The following IBTK variants were observed in gnomAD, a reference collection of about 807,000 sequenced individuals.
IBTK encodes the protein BTK-binding protein.
In IBTK, 83 loss-of-function variants were observed where a neutral mutation model predicts 154.9. The observed-to-expected ratio is 0.54, with a 90% CI of 0.45 to 0.64. IBTK has a LOEUF of 0.64. Among genes scored for constraint, IBTK ranks in the 30% least tolerant of loss-of-function variants. The pLI, the probability that IBTK is intolerant of heterozygous loss-of-function variation, is 0.00. For synonymous variants in IBTK, 515 were observed against 536.1 expected, an observed-to-expected ratio of 0.96 and a Z score of 0.54; for missense variants, 1,332 against 1,584.6, an observed-to-expected ratio of 0.84 and a Z score of 2.71.
At chr6:82,216,012 T>C (rs1769858939) in intron 11 of IBTK, 64 bp downstream of exon 11, 2 of 1,306,266 alleles carry the variant, frequency 1.5e-6, no homozygotes. Context: ...CAGCAGCTAC[T>C]GAAAACAAGA....
At chr6:82,174,628 CA>C (rs1482899112) in intron 26 of IBTK, among the ~76,000 whole-genome samples, 1 of 152,054 alleles carries the variant, frequency 6.6e-6, no homozygotes, top group African/African-American at 2.4e-5. Flanking sequence ...AGCCAGAGTA[CA>C]AAATGCACTG....
intron 26 of IBTK, among the ~76,000 whole-genome samples, chr6:82,178,201 A>G (rs1768186085): frequency 6.6e-6 from 1 of 152,250 alleles, no homozygotes; most frequent in African/African-American, 2.4e-5. Context: ...AGCTATGGAT[A>G]TATCATACTG....
intron 1 of IBTK, among the ~76,000 whole-genome samples, chr6:82,247,272 G>C (rs1163289580): frequency 6.6e-6 from 1 of 152,226 alleles, no homozygotes; most frequent in East Asian, 1.9e-4. Context: ...TCACAACTAG[G>C]AATGCAATGT....
At chr6:82,175,015 T>G (rs1258919182) in intron 26 of IBTK, 1 of 456,198 alleles carries the variant, frequency 2.2e-6, no homozygotes, top group Non-Finnish European at 4.4e-6. Flanking sequence ...TCAATCATTA[T>G]GATAAAGCAT....
rs906149791 is a variant in IBTK at position 82,191,535 on chromosome 6, C to T, written c.3431+252G>A. ...TCTTTGGCTTTTGTAGCCAATAGTC[C>T]ACAATGATCATTTTAGAGTCAAGTT... is the stretch of plus-strand genomic sequence containing the variant. On this transcript the variant is annotated intron_variant, in intron 24 of 28. Transcript: ENST00000306270. The T allele has an allele frequency of 1.6e-5, 9 of 580,488 alleles. No homozygotes were observed. The African/African-American group carries it at 1.7e-4, about 11-fold the overall frequency. The allele number at this position is 580,488 out of a possible 1,614,324, so 36.0% of individuals were successfully genotyped here.
intron 26 of IBTK, among the ~76,000 whole-genome samples, chr6:82,180,951 T>C (rs1028110725): frequency 6.6e-6 from 1 of 152,242 alleles, no homozygotes; most frequent in Non-Finnish European, 1.5e-5. Context: ...CAGGTCTCAC[T>C]CTGTCACCCA....
chr6:82,232,022 A>C (rs921509597), intron 3 of IBTK, among the ~76,000 whole-genome samples, 180 bp from the exon 4 acceptor site: 4 of 151,742 alleles, frequency 2.6e-5, no homozygotes, highest in African/African-American at 9.7e-5. Flanking sequence ...CAATGCAAGC[A>C]ATCAAACATT....
At chr6:82,196,478 A>G in intron 21 of IBTK, 32 bp from the exon 22 acceptor site, 2 of 1,485,134 alleles carry the variant, frequency 1.3e-6, no homozygotes, top group Non-Finnish European at 1.8e-6. Flanking sequence ...AATTAAACAC[A>G]TATGCATTAA....
In IBTK at chr6:82,172,451, T is replaced by C. The variant is rs549804330; in HGVS notation, c.3859A>G (p.Ile1287Val). 6.2e-7 allele frequency: 1 copy of C among 1,613,710 alleles called. No homozygotes were observed. Among genetic ancestry groups the C allele is most frequent in the East Asian group, 2.2e-5 (1 of 44,858 alleles). The change falls in exon 28 of 29, where the codon ATT becomes GTT. Residue 1287 changes from isoleucine to valine, a missense_variant. This residue lies in a region of IBTK where 1,134 missense variants were observed against 1,274.7 expected (regional missense o/e 0.89). Transcript: ENST00000306270. ...SMVAPVTFASIVEEELQQEAA... is the reference protein window; with the variant it reads ...SMVAPVTFASVVEEELQQEAA... ...TCTTGTTGTAGTTCTTCTTCTACAATAGATGCAAAAGTGACTGGGGCTACC... is the reference window on the plus strand; with the variant it reads ...TCTTGTTGTAGTTCTTCTTCTACAACAGATGCAAAAGTGACTGGGGCTACC...
intron 8 of IBTK, among the ~76,000 whole-genome samples, chr6:82,221,512 C>T (rs919430765): frequency 6.6e-6 from 1 of 152,128 alleles, no homozygotes; most frequent in African/African-American, 2.4e-5. Context: ...GTAACTCATT[C>T]ATTAGCTACA....
Position 82,192,839 on chromosome 6 carries a change from C to T in IBTK, c.3339-960G>A, listed in dbSNP as rs111741459. 2.1e-4 allele frequency among the ~76,000 whole-genome samples: 32 copies of T among 151,894 alleles called. No homozygotes were observed. The South Asian group carries it at 6.6e-3, about 32-fold the overall frequency. ...AGTCAGTCAGGCACAGTGGCTCACA[C>T]CTGAAATCCCAGCACTTTGGGAGGC... On this transcript the variant is annotated intron_variant, in intron 23 of 28. Coordinates refer to ENST00000306270, the MANE Select transcript of IBTK (RefSeq NM_015525.4).
In IBTK at chr6:82,214,469, G is replaced by A; in HGVS notation, c.1962C>T (p.Asn654=). Residue 654 remains asparagine, a synonymous_variant, in exon 12 of 29, where the codon AAC becomes AAT. Coordinates refer to ENST00000306270, the MANE Select transcript of IBTK (RefSeq NM_015525.4). The stretch of plus-strand genomic sequence containing the variant: ...TTCCCTGATATTCTTCTGGGTTTTT[G>A]TTTAAGTGTATTCTTGGTTTGAAGC... ...THGFKPRIHL[N]KNPEEYQGTL... is the part of the protein sequence containing the mutation. The A allele has an allele frequency of 6.2e-7, 1 of 1,613,962 alleles. No homozygotes were observed. The highest frequency in any genetic ancestry group is 8.5e-7 in the Non-Finnish European group (1 of 1,179,956).
intron 16 of IBTK, among the ~76,000 whole-genome samples, chr6:82,206,704 A>T (rs1227330355): frequency 6.6e-6 from 1 of 152,168 alleles, no homozygotes; most frequent in Non-Finnish European, 1.5e-5. Context: ...AAAAAACGCT[A>T]AGAAACTAAA....
chr6:82,191,328 G>A, intron 24 of IBTK, 112 bp from the exon 25 acceptor site: 1 of 796,124 alleles, frequency 1.3e-6, no homozygotes, highest in Non-Finnish European at 2.0e-6. Context: ...CTTAATAAAG[G>A]TTACTGGTAA....
At chr6:82,224,977 T>TG (rs1420366955) in intron 6 of IBTK, among the ~76,000 whole-genome samples, 1 of 152,136 alleles carries the variant, frequency 6.6e-6, no homozygotes. Flanking sequence ...AATGCTAATA[T>TG]GTACTATGCT....
chr6:82,227,138 G>C (rs778154641), intron 5 of IBTK, 54 bp downstream of exon 5: 5 of 1,202,422 alleles, frequency 4.2e-6, no homozygotes, highest in Non-Finnish European at 6.0e-6. Context: ...AAATCTTTCA[G>C]CTTATCAGCA....
Position 82,214,145 on chromosome 6 carries a change from T to C in IBTK, c.2204+82A>G, listed in dbSNP as rs566884228. ...TAATTTTTTGTATTTTTAGTAGAGATGGGGTTTCACAGTAAGGGTGGGAAA... is the reference window on the plus strand; with the variant it reads ...TAATTTTTTGTATTTTTAGTAGAGACGGGGTTTCACAGTAAGGGTGGGAAA... On this transcript the variant is annotated intron_variant, in intron 12 of 28. Transcript: ENST00000306270. 29 of 1,314,682 alleles carry C rather than the reference T, an allele frequency of 2.2e-5. No homozygotes were observed. In the East Asian group the frequency reaches 4.2e-4, roughly 19 times the overall value. The allele number at this position is 1,314,682 out of a possible 1,614,324, so 81.4% of individuals were successfully genotyped here.
chr6:82,191,086 G>T lies in IBTK; in HGVS notation c.3562C>A (p.Pro1188Thr). ...VLFTPSKAPKPVNAWASSLHS... is the reference protein window; with the variant it reads ...VLFTPSKAPKTVNAWASSLHS... ...ATAAGAGCATACCATGCATTCACTG[G>T]TTTGGGGGCTTTTGAAGGAGTGAAT... is the stretch of plus-strand genomic sequence containing the variant. The change falls in exon 25 of 29, where the codon CCA (proline) becomes ACA (threonine). Residue 1188 changes from proline to threonine, a missense_variant. Pro to Thr is a conservative substitution (Grantham distance 38). This residue lies in a region of IBTK where 1,134 missense variants were observed against 1,274.7 expected (regional missense o/e 0.89). Transcript: ENST00000306270. 1.9e-6 allele frequency: 3 copies of T among 1,568,158 alleles called. No homozygotes were observed. Among genetic ancestry groups the T allele is most frequent in the Non-Finnish European group, 1.7e-6 (2 of 1,155,488 alleles).
chr6:82,202,375 T>C (rs1769240051), intron 18 of IBTK, among the ~76,000 whole-genome samples, 153 bp downstream of exon 18: 1 of 152,210 alleles, frequency 6.6e-6, no homozygotes, highest in African/African-American at 2.4e-5. Flanking sequence ...TCTCTAATTC[T>C]AAAATGTACA....
Sources: allele counts gnomAD v4.1 joint callset (sites outside exome capture counted in the v4.1 genomes callset), GRCh38; gene constraint gnomAD v4.1.1; regional missense constraint gnomAD v4.1.1; transcripts MANE v1.5; gene names NCBI Gene and HGNC (gene_info 2026-07-23, HGNC 2026-07-21).